The following COL24A1 variants were observed in gnomAD, a reference collection of about 807,000 sequenced individuals.
The protein encoded by COL24A1 is collagen type XXIV alpha 1 chain, also known as collagen alpha-1(XXIV) chain.
COL24A1 carries 224 observed loss-of-function variants against 253.9 expected under a neutral mutation model. The ratio of observed to expected loss-of-function variants is 0.88; its 90% CI spans 0.79 to 0.99. The LOEUF (loss-of-function observed/expected upper bound fraction) is 0.99. Ranked by LOEUF, COL24A1 falls within the 50% of genes least tolerant of loss-of-function variation. The pLI is 0.00. For missense variants in COL24A1, 2,131 were observed against 2,068.5 expected (o/e 1.03, Z -0.59); for synonymous variants, 685 against 673.7 (o/e 1.02, Z -0.26).
chr1:85,762,461 T>G (rs1190060056), intron 53 of COL24A1, among the ~76,000 whole-genome samples: 2 of 152,162 alleles, frequency 1.3e-5, no homozygotes, highest in Non-Finnish European at 2.9e-5. Flanking sequence ...ATTACAAGTT[T>G]AAGCAGAGAA....
At chr1:85,918,986 TTAA>T (rs1333167320) in intron 24 of COL24A1, among the ~76,000 whole-genome samples, 1 of 152,194 alleles carries the variant, frequency 6.6e-6, no homozygotes, top group South Asian at 2.1e-4. Flanking sequence ...CTGCATCTTA[TTAA>T]TGTCATTCTT....
At chr1:86,074,345 TC>T (rs1702093392) in intron 7 of COL24A1, among the ~76,000 whole-genome samples, 1 of 151,306 alleles carries the variant, frequency 6.6e-6, no homozygotes, top group South Asian at 2.1e-4. Context: ...CCAACAAAGA[TC>T]AAAAAAGACA....
chr1:85,735,823 G>T (rs1213416257), intron 58 of COL24A1, among the ~76,000 whole-genome samples: 1 of 152,026 alleles, frequency 6.6e-6, no homozygotes, highest in Non-Finnish European at 1.5e-5. Flanking sequence ...AGTTCCTACT[G>T]AGGAATTTGT....
chr1:85,875,366 T>C (rs1371750615), intron 33 of COL24A1, 36 bp from the exon 34 acceptor site: 3 of 1,548,208 alleles, frequency 1.9e-6, no homozygotes, highest in Non-Finnish European at 2.7e-6. Context: ...ACAAAGGCAA[T>C]AGCAATCTCA....
At chr1:85,877,516 C>G (rs1681322968) in intron 32 of COL24A1, among the ~76,000 whole-genome samples, 1 of 152,128 alleles carries the variant, frequency 6.6e-6, no homozygotes, top group South Asian at 2.1e-4. Context: ...GCAATTGCCA[C>G]CACGCATGGC....
chr1:85,945,018 T>TTTTTTTTTTTG (rs1689172185), intron 24 of COL24A1, among the ~76,000 whole-genome samples: 7 of 86,838 alleles, frequency 8.1e-5, no homozygotes, highest in East Asian at 4.2e-4. Context: ...TTTTTTTTTT[T>TTTTTTTTTTTG]TTTTTTTTTT....
At position 85,959,149 on chromosome 1, in the gene COL24A1, C is replaced by G. The variant is rs544044249; in HGVS notation, c.2562+2100G>C. 2.6e-5 allele frequency among the ~76,000 whole-genome samples: 4 copies of G among 152,208 alleles called. No homozygotes were observed. The South Asian group carries it at 8.3e-4, about 32-fold the overall frequency. ...CTCAAGAATTTTCTTGGCAACAGAA[C>G]TCTGGATTAGATGAACTATATTTCT... On this transcript the variant is annotated intron_variant, in intron 24 of 59. Transcript: ENST00000370571.
chr1:86,052,953 A>G (rs1700418533), intron 10 of COL24A1, among the ~76,000 whole-genome samples: 2 of 152,026 alleles, frequency 1.3e-5, no homozygotes, highest in South Asian at 4.1e-4. Context: ...TGTTCCACAG[A>G]TTGTATGAAC....
At chr1:85,745,570 G>T (rs1369991863) in intron 55 of COL24A1, 64 bp from the exon 56 acceptor site, 4 of 1,199,578 alleles carry the variant, frequency 3.3e-6, no homozygotes, top group East Asian at 2.5e-5. Flanking sequence ...TAAAGTAAAG[G>T]CTGTAAATTC....
intron 24 of COL24A1, among the ~76,000 whole-genome samples, chr1:85,941,444 T>A (rs947739922): frequency 6.6e-6 from 1 of 152,114 alleles, no homozygotes; most frequent in African/African-American, 2.4e-5. Context: ...CTGAAGCAAG[T>A]CTTTGAACCA....
chr1:85,825,784 T>C (rs1322875255), intron 43 of COL24A1, among the ~76,000 whole-genome samples: 2 of 116,784 alleles, frequency 1.7e-5, no homozygotes. Context: ...TGTTTTTTTC[T>C]TGTAAATTTG....
Position 85,987,664 on chromosome 1 carries a change from A to G in COL24A1, c.2311-10T>C, listed in dbSNP as rs562199924. 5 of 1,604,762 alleles carry G rather than the reference A, an allele frequency of 3.1e-6. No individual in the cohort carries two copies. In the African/African-American group the frequency reaches 5.4e-5, roughly 17 times the overall value. ...TATCTCCTGGAAAACCCTAGGGAAT[A>G]TAAAAATGTAGCGTTTATTCCATAG... On this transcript the variant is annotated splice_polypyrimidine_tract_variant and intron_variant, in intron 19 of 59. Coordinates refer to ENST00000370571, the MANE Select transcript of COL24A1 (RefSeq NM_152890.7).
chr1:85,765,128 T>C (rs1360370617), intron 53 of COL24A1, among the ~76,000 whole-genome samples: 2 of 152,208 alleles, frequency 1.3e-5, no homozygotes, highest in Non-Finnish European at 2.9e-5. Flanking sequence ...AGGACCTATT[T>C]CCCATATCCT....
At chr1:85,825,481 T>A (rs1466257955) in intron 43 of COL24A1, among the ~76,000 whole-genome samples, 5 of 152,304 alleles carry the variant, frequency 3.3e-5, no homozygotes, top group African/African-American at 9.6e-5. Context: ...TAGTTCTAGA[T>A]CCCTGAGGAA....
intron 28 of COL24A1, among the ~76,000 whole-genome samples, 197 bp downstream of exon 28, chr1:85,906,997 G>A (rs1283113199): frequency 2.6e-5 from 4 of 151,806 alleles, no homozygotes; most frequent in African/African-American, 9.7e-5. Context: ...GGAAAAATGT[G>A]ATTTTATAAC....
At chr1:86,097,523 CCTCCT>C (rs1311539789) in intron 5 of COL24A1, among the ~76,000 whole-genome samples, 1 of 3,280 alleles carries the variant, frequency 3.0e-4, no homozygotes, top group East Asian at 7.0e-3. Flanking sequence ...CCTCCTCCTC[CCTCCT>C]CCCTCCTCCT....
intron 47 of COL24A1, among the ~76,000 whole-genome samples, chr1:85,808,736 A>T: frequency 1.3e-5 from 2 of 152,374 alleles, no homozygotes; most frequent in South Asian, 4.1e-4. Context: ...TAATCACCCA[A>T]TGGGTTCTCC....
chr1:86,130,011 C>T (rs1028053858), intron 2 of COL24A1, among the ~76,000 whole-genome samples: 2 of 151,766 alleles, frequency 1.3e-5, no homozygotes, highest in Non-Finnish European at 2.9e-5. Context: ...CTCTTGTGGT[C>T]TTTGCTTTAT....
At chr1:85,876,682 C>T (rs1007789767) in intron 33 of COL24A1, among the ~76,000 whole-genome samples, 1 of 151,622 alleles carries the variant, frequency 6.6e-6, no homozygotes, top group Non-Finnish European at 1.5e-5. Context: ...TTCACAGCAG[C>T]CAAGGAAGGA....
Sources: allele counts gnomAD v4.1 joint callset (sites outside exome capture counted in the v4.1 genomes callset), GRCh38; gene constraint gnomAD v4.1.1; transcripts MANE v1.5; gene names NCBI Gene and HGNC (gene_info 2026-07-23, HGNC 2026-07-21).